The following WWOX variants were observed in gnomAD, a reference collection of about 807,000 sequenced individuals.
The protein encoded by WWOX is WW domain-containing oxidoreductase.
Under a neutral mutation model 46.2 loss-of-function variants are expected in WWOX, and 69 were observed. The ratio of observed to expected loss-of-function variants is 1.49; its 90% CI spans 1.23 to 1.82. The LOEUF (loss-of-function observed/expected upper bound fraction) is 1.82, where lower values mean the gene tolerates loss of function less well. Ranked by LOEUF, WWOX falls within the 40% of genes most tolerant of loss-of-function variation. WWOX has a pLI of 0.00. For missense variants in WWOX, 919 were observed against 542.6 expected (o/e 1.69, Z -6.89); for synonymous variants, 359 against 202.6 (o/e 1.77, Z -6.56).
At chr16:78,123,020 C>A (rs2033173543) in intron 4 of WWOX, among the ~76,000 whole-genome samples, 1 of 152,136 alleles carries the variant, frequency 6.6e-6, no homozygotes, top group African/African-American at 2.4e-5. Flanking sequence ...GGCAGCATTG[C>A]AATATAGTTC....
intron 8 of WWOX, among the ~76,000 whole-genome samples, chr16:78,711,608 T>G (rs1567508241): frequency 6.6e-6 from 1 of 152,146 alleles, no homozygotes; most frequent in Non-Finnish European, 1.5e-5. Flanking sequence ...AAAAATGTGT[T>G]TTTATAGTGC....
chr16:78,951,414 C>T (rs187812701), intron 8 of WWOX, among the ~76,000 whole-genome samples: 42 of 152,118 alleles, frequency 2.8e-4, no homozygotes, highest in Non-Finnish European at 1.5e-4. Context: ...AGCCAATCAC[C>T]GTCTTTCTGT....
At chr16:78,824,699 G>C (rs1004508106) in intron 8 of WWOX, among the ~76,000 whole-genome samples, 1 of 152,106 alleles carries the variant, frequency 6.6e-6, no homozygotes, top group Non-Finnish European at 1.5e-5. Context: ...CAGATCTTGT[G>C]ACACTTATTC....
At chr16:78,105,703 A>T (rs771498595) in intron 1 of WWOX, among the ~76,000 whole-genome samples, 4 of 152,142 alleles carry the variant, frequency 2.6e-5, no homozygotes, top group Admixed American at 2.6e-4. Flanking sequence ...TACATGTCTG[A>T]GGGCCCAGCT....
intron 4 of WWOX, among the ~76,000 whole-genome samples, chr16:78,161,258 C>T (rs944604778): frequency 1.3e-5 from 2 of 151,388 alleles, no homozygotes; most frequent in African/African-American, 4.9e-5. Context: ...TTTTAATTGC[C>T]ATCTTTAGGC....
At chr16:78,963,139 T>G (rs149305803) in intron 8 of WWOX, among the ~76,000 whole-genome samples, 1 of 152,298 alleles carries the variant, frequency 6.6e-6, no homozygotes, top group East Asian at 1.9e-4. Context: ...TTACCATTCC[T>G]CTTGTCTATC....
chr16:79,169,159 A>T (rs1285742071), intron 8 of WWOX, among the ~76,000 whole-genome samples: 1 of 152,240 alleles, frequency 6.6e-6, no homozygotes, highest in Non-Finnish European at 1.5e-5. Context: ...AGAGGAGGAA[A>T]CCAAGACTTG....
intron 5 of WWOX, among the ~76,000 whole-genome samples, chr16:78,329,217 G>A (rs1457199858): frequency 6.6e-6 from 1 of 152,094 alleles, no homozygotes; most frequent in Non-Finnish European, 1.5e-5. Flanking sequence ...GCAACCCCAT[G>A]GTATCGGTGG....
At chr16:78,519,568 TG>T (rs1220687941) in intron 8 of WWOX, among the ~76,000 whole-genome samples, 1 of 152,074 alleles carries the variant, frequency 6.6e-6, no homozygotes, top group East Asian at 1.9e-4. Context: ...TTAGAAAGTT[TG>T]CATCCCCCCA....
chr16:79,094,466 G>C (rs1021209758), intron 8 of WWOX, among the ~76,000 whole-genome samples: 1 of 151,966 alleles, frequency 6.6e-6, no homozygotes, highest in Admixed American at 6.5e-5. Context: ...TGGCCAAACT[G>C]GTCCAGAACT....
At position 79,025,994 on chromosome 16, in the gene WWOX, T is replaced by G. The variant is rs2047633018; in HGVS notation, c.1057-185614T>G. On this transcript the variant is annotated intron_variant, in intron 8 of 8. Coordinates refer to ENST00000566780, the MANE Select transcript of WWOX (RefSeq NM_016373.4). ...TTTTGGATTTTTAGTAGAGATGGGT[T>G]TTAGCCATGTTGTGCAGGCTGGTCT... 1.3e-5 allele frequency among the ~76,000 whole-genome samples: 2 copies of G among 150,042 alleles called. 1 individual carries two copies. The highest frequency in any genetic ancestry group is 5.0e-5 in the African/African-American group (2 of 39,626).
intron 8 of WWOX, chr16:78,553,374 T>C (rs1455037278): frequency 2.0e-5 from 3 of 152,124 alleles, no homozygotes; most frequent in African/African-American, 7.2e-5. Flanking sequence ...CTTGGGTCAT[T>C]TCCATGGGCT....
chr16:79,025,310 G>A (rs1373794433), intron 8 of WWOX, among the ~76,000 whole-genome samples: 2 of 152,160 alleles, frequency 1.3e-5, no homozygotes, highest in African/African-American at 4.8e-5. Context: ...GTTCGATTTA[G>A]TGGTGGCTCC....
intron 8 of WWOX, among the ~76,000 whole-genome samples, chr16:78,926,331 C>T (rs1014193649): frequency 3.3e-5 from 5 of 151,144 alleles, no homozygotes; most frequent in African/African-American, 1.2e-4. Flanking sequence ...CATGCTCGTG[C>T]CATTGCATTT....
intron 8 of WWOX, among the ~76,000 whole-genome samples, chr16:78,534,083 A>G (rs12325414): frequency 0.029 from 4,362 of 152,300 alleles, 151 homozygotes; most frequent in African/African-American, 0.085. Flanking sequence ...GAAAATAAAT[A>G]TTAGAATCAT....
At chr16:79,145,552 C>G (rs915556100) in intron 8 of WWOX, among the ~76,000 whole-genome samples, 5 of 152,090 alleles carry the variant, frequency 3.3e-5, no homozygotes, top group Non-Finnish European at 7.4e-5. Flanking sequence ...CCATTAGAAT[C>G]AGAAACTAGA....
chr16:78,193,295 G>C (rs1159411846), intron 5 of WWOX, among the ~76,000 whole-genome samples: 1 of 152,214 alleles, frequency 6.6e-6, no homozygotes, highest in Non-Finnish European at 1.5e-5. Context: ...TGGTTTTCTT[G>C]ATATGGTTGC....
At chr16:78,795,433 C>T (rs1178561986) in intron 8 of WWOX, among the ~76,000 whole-genome samples, 1 of 152,084 alleles carries the variant, frequency 6.6e-6, no homozygotes, top group Non-Finnish European at 1.5e-5. Flanking sequence ...GAAGGCTACC[C>T]ATGGACTACA....
At chr16:79,165,889 C>T (rs2050584738) in intron 8 of WWOX, among the ~76,000 whole-genome samples, 1 of 152,208 alleles carries the variant, frequency 6.6e-6, no homozygotes, top group East Asian at 1.9e-4. Flanking sequence ...TCTTCTATTA[C>T]CTTCATAACC....
Sources: gnomAD v4.1 joint callset for allele counts (sites outside exome capture counted in the v4.1 genomes callset) on GRCh38, gnomAD v4.1.1 for gene constraint, MANE v1.5 for transcripts, NCBI Gene and HGNC (gene_info 2026-07-23, HGNC 2026-07-21) for gene names.